The following KAT6A variants were observed in gnomAD, a reference collection of about 807,000 sequenced individuals.
The protein encoded by KAT6A is histone acetyltransferase KAT6A.
A neutral mutation model predicts 198.4 loss-of-function variants in KAT6A; 9 were observed. The observed-to-expected ratio is 0.05, with a 90% confidence interval of 0.03 to 0.08. KAT6A has a LOEUF of 0.08. Ranked by LOEUF, KAT6A falls within the 10% of genes least tolerant of loss-of-function variation. The pLI is 1.00. For missense variants in KAT6A, 2,077 were observed against 2,509.9 expected, an observed-to-expected ratio of 0.83 and a Z score of 3.69; for synonymous variants, 890 against 883.0, an observed-to-expected ratio of 1.01 and a Z score of -0.14.
intron 2 of KAT6A, among the ~76,000 whole-genome samples, chr8:42,005,976 C>G (rs1825727606): frequency 6.6e-6 from 1 of 152,170 alleles, no homozygotes; most frequent in African/African-American, 2.4e-5. Context: ...GGGAAATAAC[C>G]TGTATTCTGC....
At chr8:41,937,779 G>A (rs1821927341) in intron 15 of KAT6A, among the ~76,000 whole-genome samples, 1 of 152,130 alleles carries the variant, frequency 6.6e-6, no homozygotes, top group South Asian at 2.1e-4. Flanking sequence ...ACACAACTTT[G>A]TAAAAGAATA....
intron 8 of KAT6A, chr8:41,974,435 C>T (rs2150884686): frequency 3.8e-6 from 1 of 260,444 alleles, no homozygotes; most frequent in Non-Finnish European, 7.2e-6. Context: ...TGGTCAAATC[C>T]CAAATTCTTC....
At chr8:41,949,774 A>C (rs560229131) in intron 9 of KAT6A, among the ~76,000 whole-genome samples, 2 of 152,286 alleles carry the variant, frequency 1.3e-5, no homozygotes, top group South Asian at 4.1e-4. Flanking sequence ...AATTCTACTA[A>C]AGCTTTTCCC....
At chr8:42,008,175 T>C (rs189714726) in intron 2 of KAT6A, among the ~76,000 whole-genome samples, 9 of 152,172 alleles carry the variant, frequency 5.9e-5, no homozygotes, top group Non-Finnish European at 1.3e-4. Flanking sequence ...ATGGCTGATA[T>C]ATACAGAGCC....
In KAT6A at chr8:41,931,653, C is replaced by T. The variant is rs1821550330; in HGVS notation, c.*552G>A. ...TTAATAATAATAATAATAATATTAA[C>T]AATAATAATAAGTTTAAGGAGCTTG... On this transcript the variant is annotated 3_prime_UTR_variant, in exon 17 of 17. Transcript: ENST00000265713. The T allele has an allele frequency of 5.4e-6, 1 of 184,306 alleles. No homozygotes were observed. The highest frequency in any genetic ancestry group is 2.4e-5 in the African/African-American group (1 of 42,430). The allele number at this position is 184,306 out of a possible 1,614,324, so 11.4% of individuals were successfully genotyped here. A position where few individuals can be genotyped will look rare whatever the true frequency, so the allele number is the denominator to read the frequency against.
intron 2 of KAT6A, among the ~76,000 whole-genome samples, chr8:42,027,753 G>T (rs902817183): frequency 6.6e-6 from 1 of 151,666 alleles, no homozygotes; most frequent in Non-Finnish European, 1.5e-5. Flanking sequence ...TTGATTCTTT[G>T]TATTTTTTCA....
At chr8:41,948,323 T>C (rs917844737) in intron 10 of KAT6A, among the ~76,000 whole-genome samples, 2 of 152,152 alleles carry the variant, frequency 1.3e-5, no homozygotes, top group Non-Finnish European at 2.9e-5. Flanking sequence ...AACTATGTAG[T>C]CTAATCTATG....
intron 16 of KAT6A, 115 bp downstream of exon 16, chr8:41,937,141 T>A (rs1821889235): frequency 6.7e-6 from 5 of 748,686 alleles, no homozygotes; most frequent in Middle Eastern, 2.4e-4. Flanking sequence ...AACGTTCCTT[T>A]TCTTGCTTAG....
intron 15 of KAT6A, 119 bp from the exon 16 acceptor site, chr8:41,937,687 CA>C: frequency 1.4e-6 from 1 of 716,050 alleles, no homozygotes; most frequent in Non-Finnish European, 2.2e-6. Flanking sequence ...TGTTGTTTGC[CA>C]AAAAATATTT....
At chr8:41,973,411 G>A (rs1006609618) in intron 8 of KAT6A, among the ~76,000 whole-genome samples, 13 of 152,076 alleles carry the variant, frequency 8.5e-5, no homozygotes, top group Non-Finnish European at 5.9e-5. Context: ...GTAGAGACGG[G>A]GTTTCACCAT....
chr8:41,953,033 C>T (rs939214531), intron 9 of KAT6A, among the ~76,000 whole-genome samples: 2 of 152,156 alleles, frequency 1.3e-5, no homozygotes, highest in Non-Finnish European at 2.9e-5. Flanking sequence ...TTTCTGCTTT[C>T]TACTGGTTCC....
intron 8 of KAT6A, among the ~76,000 whole-genome samples, chr8:41,974,141 G>C (rs1823934954): frequency 6.6e-6 from 1 of 151,658 alleles, no homozygotes; most frequent in Non-Finnish European, 1.5e-5. Flanking sequence ...ACAGTGGCAT[G>C]ATCTCAGGTC....
At chr8:42,006,605 A>G (rs961420621) in intron 2 of KAT6A, among the ~76,000 whole-genome samples, 1 of 152,318 alleles carries the variant, frequency 6.6e-6, no homozygotes, top group African/African-American at 2.4e-5. Context: ...TGGACGCCCA[A>G]AGAGTTTCAG....
Position 42,017,786 on chromosome 8 carries a change from T to C in KAT6A, c.601-30223A>G, listed in dbSNP as rs539990340. On this transcript the variant is annotated intron_variant, in intron 2 of 16. Coordinates refer to ENST00000265713, the MANE Select transcript of KAT6A (RefSeq NM_006766.5). ...ACACTGGGAGGACATATTTTAGAGA[T>C]AGCACTCAGACAAAAGTAGAGAGGG... Among the ~76,000 whole-genome samples, 23 of 152,276 alleles carry C rather than the reference T, an allele frequency of 1.5e-4. No individual in the cohort carries two copies. The South Asian group carries it at 2.9e-3, about 19-fold the overall frequency.
At chr8:42,021,852 T>C (rs548238474) in intron 2 of KAT6A, among the ~76,000 whole-genome samples, 85 of 152,326 alleles carry the variant, frequency 5.6e-4, no homozygotes, top group African/African-American at 1.9e-3. Context: ...CGCTTGAACC[T>C]GGGAGGCAGA....
At chr8:41,984,096 A>G (rs115887738) in intron 3 of KAT6A, among the ~76,000 whole-genome samples, 1,814 of 152,346 alleles carry the variant, frequency 0.012, 33 homozygotes, top group African/African-American at 0.042. Flanking sequence ...ATCAACGTTC[A>G]TGTATCCAGC....
chr8:41,944,013 G>C (rs1204493277), intron 12 of KAT6A, 34 bp from the exon 13 acceptor site: 3 of 1,464,208 alleles, frequency 2.0e-6, no homozygotes, highest in Non-Finnish European at 2.9e-6. Context: ...ATCAGAACTA[G>C]GTCAGCAACT....
intron 2 of KAT6A, among the ~76,000 whole-genome samples, chr8:42,046,038 T>C (rs1016227650): frequency 6.6e-6 from 1 of 152,118 alleles, no homozygotes; most frequent in African/African-American, 2.4e-5. Context: ...CAAAGGTCCT[T>C]AGCTCAGCTG....
chr8:41,934,637 T>C lies in KAT6A; in HGVS notation c.3583A>G (p.Ile1195Val), dbSNP rs984343149. The C allele has an allele frequency of 2.5e-6, 4 of 1,614,012 alleles. No homozygotes were observed. Among genetic ancestry groups the C allele is most frequent in the African/African-American group, 2.7e-5 (2 of 74,902 alleles). Residue 1195 changes from isoleucine (I) to valine (V), a missense_variant, in exon 17 of 17, where the codon ATT becomes GTT. By Grantham distance (29) the Ile-to-Val change is conservative. This residue lies in a region of KAT6A where 375 missense variants were observed against 383.0 expected (regional missense o/e 0.98). Transcript: ENST00000265713. ...QACVIEPIVS[I>V]PKAGRKPKIQ... ...TTGGGTTTACGTCCAGCTTTAGGAA[T>C]GGAAACGATGGGCTCAATGACGCAT...
Sources: gnomAD v4.1 joint callset for allele counts (sites outside exome capture counted in the v4.1 genomes callset) on GRCh38, gnomAD v4.1.1 for gene constraint, gnomAD v4.1.1 regional missense constraint, MANE v1.5 for transcripts, NCBI Gene and HGNC (gene_info 2026-07-23, HGNC 2026-07-21) for gene names.